Variants in TENM3 observed in about 807,000 individuals in gnomAD.
The protein encoded by TENM3 is teneurin transmembrane protein 3.
Under a neutral mutation model 255.1 loss-of-function variants are expected in TENM3, and 63 were observed. The observed-to-expected ratio is 0.25, with a 90% confidence interval of 0.20 to 0.30. TENM3 has a LOEUF of 0.30. Among genes scored for constraint, TENM3 ranks in the 10% least tolerant of loss-of-function variants. TENM3 has a pLI of 1.00. For missense variants in TENM3, 2,929 were observed against 3,461.1 expected (o/e 0.85, Z 3.86); for synonymous variants, 1,306 against 1,322.3 (o/e 0.99, Z 0.27).
intron 1 of TENM3, among the ~76,000 whole-genome samples, chr4:182,314,975 T>A (rs956100294): frequency 6.6e-6 from 1 of 152,186 alleles, no homozygotes; most frequent in Non-Finnish European, 1.5e-5. Context: ...CTGTTTAGGG[T>A]TTAAACTGTA....
At chr4:182,294,870 C>T (rs1761363761) in intron 1 of TENM3, among the ~76,000 whole-genome samples, 1 of 152,124 alleles carries the variant, frequency 6.6e-6, no homozygotes, top group Non-Finnish European at 1.5e-5. Flanking sequence ...ATGCCCATTG[C>T]CATTATCGAT....
chr4:181,816,295 C>G, the TENM3 span, among the ~76,000 whole-genome samples: 12 of 152,196 alleles, frequency 7.9e-5, no homozygotes, highest in East Asian at 2.1e-3. Context: ...AAAATCAATC[C>G]TCATTCCTCT....
intron 3 of TENM3, among the ~76,000 whole-genome samples, chr4:182,563,244 G>A (rs1290347810): frequency 6.6e-6 from 1 of 152,040 alleles, no homozygotes; most frequent in Admixed American, 6.6e-5. Flanking sequence ...TCGTGCATAT[G>A]TAGAGACAAA....
intron 5 of TENM3, among the ~76,000 whole-genome samples, chr4:182,636,100 C>T (rs978384030): frequency 6.6e-6 from 1 of 152,286 alleles, no homozygotes; most frequent in South Asian, 2.1e-4. Context: ...ACAGCTTCTT[C>T]CCTTCACTCT....
intron 9 of TENM3, 53 bp downstream of exon 9, chr4:182,680,402 C>A: frequency 5.9e-6 from 8 of 1,353,740 alleles, no homozygotes; most frequent in East Asian, 2.3e-5. Flanking sequence ...TGTAGAAACA[C>A]AAGTGATTCC....
the TENM3 span, among the ~76,000 whole-genome samples, chr4:181,653,170 C>T: frequency 6.6e-6 from 1 of 152,172 alleles, no homozygotes; most frequent in Non-Finnish European, 1.5e-5. Context: ...TGCTGCATGG[C>T]ACATTCAGTC....
In TENM3 at chr4:182,287,838, C is replaced by T. The variant is rs530776660; in HGVS notation, c.-75-36108C>T. On this transcript the variant is annotated intron_variant, in intron 1 of 27. Coordinates refer to ENST00000511685, the MANE Select transcript of TENM3 (RefSeq NM_001080477.4). ...TTCACCATATTGGCCAGGCTGGTCT[C>T]GAACTCCTGACCTCGTGATCCGCCC... is the stretch of plus-strand genomic sequence containing the variant. Among the ~76,000 whole-genome samples, 9 of 152,128 alleles carry T rather than the reference C, an allele frequency of 5.9e-5. No homozygotes were observed. The South Asian group carries it at 1.7e-3, about 28-fold the overall frequency.
At chr4:182,256,825 A>G (rs1039771755) in intron 1 of TENM3, among the ~76,000 whole-genome samples, 10 of 152,254 alleles carry the variant, frequency 6.6e-5, no homozygotes, top group African/African-American at 2.4e-4. Context: ...GCCAAATTAA[A>G]TGGAAATAGT....
intron 6 of TENM3, among the ~76,000 whole-genome samples, chr4:182,663,398 C>T (rs988076533): frequency 1.3e-5 from 2 of 151,972 alleles, no homozygotes; most frequent in Admixed American, 6.6e-5. Context: ...CTGAAAACAA[C>T]CTAATTCTTA....
chr4:182,488,500 G>A (rs971618156), intron 3 of TENM3, among the ~76,000 whole-genome samples: 2 of 152,124 alleles, frequency 1.3e-5, no homozygotes, highest in African/African-American at 4.8e-5. Flanking sequence ...TAAACATAGT[G>A]CTGGAGAGCA....
At chr4:182,785,243 T>C (rs1765548647) in intron 24 of TENM3, among the ~76,000 whole-genome samples, 1 of 151,784 alleles carries the variant, frequency 6.6e-6, no homozygotes, top group Admixed American at 6.6e-5. Context: ...TGGCTAATTT[T>C]TGTATTTTTC....
At chr4:182,548,208 C>G (rs1741644507) in intron 3 of TENM3, among the ~76,000 whole-genome samples, 1 of 152,044 alleles carries the variant, frequency 6.6e-6, no homozygotes, top group Non-Finnish European at 1.5e-5. Context: ...CTGGGCAACA[C>G]AGTGAGACCC....
At chr4:182,106,041 C>T in the TENM3 span, among the ~76,000 whole-genome samples, 2 of 152,344 alleles carry the variant, frequency 1.3e-5, no homozygotes, top group South Asian at 4.1e-4. Context: ...CCTTCACCTT[C>T]AGGTGTGGTA....
At chr4:181,560,858 A>G in the TENM3 span, among the ~76,000 whole-genome samples, 1 of 152,228 alleles carries the variant, frequency 6.6e-6, no homozygotes, top group South Asian at 2.1e-4. Context: ...AAGCAAATCA[A>G]ACAGGAGGGC....
chr4:181,726,258 T>C, the TENM3 span, among the ~76,000 whole-genome samples: 2 of 152,126 alleles, frequency 1.3e-5, no homozygotes, highest in Admixed American at 6.5e-5. Flanking sequence ...ATGAGGTCCC[T>C]GGGGAGTCAA....
At chr4:181,766,330 G>A in the TENM3 span, among the ~76,000 whole-genome samples, 4 of 152,110 alleles carry the variant, frequency 2.6e-5, no homozygotes, top group Non-Finnish European at 5.9e-5. Context: ...AATTCCAGCC[G>A]GGCTCCTACC....
chr4:182,440,201 C>G (rs1357576036), intron 3 of TENM3, among the ~76,000 whole-genome samples: 2 of 151,414 alleles, frequency 1.3e-5, no homozygotes, highest in Admixed American at 1.3e-4. Context: ...CAACCTCCGC[C>G]TCTCGGGTTC....
intron 3 of TENM3, among the ~76,000 whole-genome samples, chr4:182,463,811 T>C (rs1163262944): frequency 6.6e-6 from 1 of 151,942 alleles, no homozygotes; most frequent in Non-Finnish European, 1.5e-5. Context: ...TTAGTAAATA[T>C]GGGGTTTCTC....
chr4:182,590,153 G>A (rs1194545702), intron 3 of TENM3, among the ~76,000 whole-genome samples: 1 of 152,124 alleles, frequency 6.6e-6, no homozygotes, highest in Non-Finnish European at 1.5e-5. Flanking sequence ...AGGCTAGTGG[G>A]TAAAATTTTC....
Sources: gnomAD v4.1 joint callset for allele counts (sites outside exome capture counted in the v4.1 genomes callset) on GRCh38, gnomAD v4.1.1 for gene constraint, MANE v1.5 for transcripts, NCBI Gene and HGNC (gene_info 2026-07-23, HGNC 2026-07-21) for gene names.